The following MMS22L variants were observed in gnomAD, a reference collection of about 807,000 sequenced individuals.
MMS22L encodes the protein protein MMS22-like.
In MMS22L, 74 loss-of-function variants were observed where a neutral mutation model predicts 159.1. The observed-to-expected ratio is 0.47, with a 90% confidence interval of 0.39 to 0.56. The LOEUF (loss-of-function observed/expected upper bound fraction) is 0.56, where lower values mean the gene tolerates loss of function less well. MMS22L is among the 20% of genes least tolerant of loss of function. The pLI is 0.00. For missense variants in MMS22L, 1,351 were observed against 1,422.1 expected (o/e 0.95, Z 0.80); for synonymous variants, 517 against 506.9 (o/e 1.02, Z -0.27).
intron 14 of MMS22L, among the ~76,000 whole-genome samples, chr6:97,187,127 C>T (rs1482067955): frequency 6.6e-6 from 1 of 152,088 alleles, no homozygotes; most frequent in Admixed American, 6.5e-5. Flanking sequence ...AATTAAAATA[C>T]TTTCCTTGTT....
intron 14 of MMS22L, among the ~76,000 whole-genome samples, chr6:97,187,096 T>C (rs1467764098): frequency 6.6e-6 from 1 of 152,082 alleles, no homozygotes; most frequent in Non-Finnish European, 1.5e-5. Context: ...TAAGTACAAC[T>C]GGCTTATGCG....
intron 11 of MMS22L, among the ~76,000 whole-genome samples, chr6:97,240,780 C>G (rs1463353246): frequency 2.6e-5 from 4 of 152,178 alleles, no homozygotes; most frequent in Non-Finnish European, 5.9e-5. Flanking sequence ...GCACATGCCA[C>G]CACACCCGGC....
chr6:97,146,883 C>A lies in MMS22L; in HGVS notation c.3655G>T (p.Ala1219Ser). 6.5e-7 allele frequency: 1 copy of A among 1,547,600 alleles called. No homozygotes were observed. Among genetic ancestry groups the A allele is most frequent in the African/African-American group, 1.4e-5 (1 of 69,852 alleles). Residue 1219 changes from alanine (A) to serine (S), a missense_variant, in exon 25 of 25, where the codon GCC becomes TCC. Coordinates refer to ENST00000683635, the MANE Select transcript of MMS22L (RefSeq NM_001350599.2). ...GLGRNIAQRE[A>S]YSKLLSHLGQ... ...AGGTGAGACAAAAGTTTGCTATAGG[C>A]TTCCCTGTTTAAGAAAAAAGAAAAG...
At position 97,178,214 on chromosome 6, in the gene MMS22L, AGTTTT is replaced by A. The variant is rs772550561; in HGVS notation, c.2679+224_2679+228del. Among the ~76,000 whole-genome samples the A allele has an allele frequency of 7.1e-4, 108 of 152,208 alleles. No homozygotes were observed. In the Middle Eastern group the frequency reaches 0.014, roughly 19 times the overall value. ...GTAAAGCTTTTTTGTGGTATTCTTT[AGTTTT>A]ATTATTCTTCATTAATGTAATTTTT... On this transcript the variant is annotated intron_variant, in intron 18 of 24. Coordinates refer to ENST00000683635, the MANE Select transcript of MMS22L (RefSeq NM_001350599.2).
Position 97,151,026 on chromosome 6 carries a change from TAC to T in MMS22L, c.3482+743_3482+744del, listed in dbSNP as rs554970865. ...TAAACATAACGGAGCTTTCTGAAGC[TAC>T]AGTTAGTATACTAAAGCAAGTCAGA... On this transcript the variant is annotated intron_variant, in intron 23 of 24. Transcript: ENST00000683635. Among the ~76,000 whole-genome samples, 497 of 152,298 alleles carry T rather than the reference TAC, an allele frequency of 3.3e-3. 3 individuals carry two copies. The highest frequency in any genetic ancestry group is 0.01 in the Middle Eastern group (3 of 294).
At chr6:97,272,918 T>C in intron 5 of MMS22L, 37 bp from the exon 6 acceptor site, 1 of 1,607,204 alleles carries the variant, frequency 6.2e-7, no homozygotes, top group African/African-American at 1.3e-5. Context: ...AACTAGAGTC[T>C]GTGTGAATAC....
chr6:97,148,530 C>T (rs1050915708), intron 24 of MMS22L, among the ~76,000 whole-genome samples: 2 of 151,146 alleles, frequency 1.3e-5, no homozygotes, highest in African/African-American at 4.9e-5. Flanking sequence ...TAGGCTCAGG[C>T]TAATGCGTGT....
intron 19 of MMS22L, 151 bp downstream of exon 19, chr6:97,172,912 A>C: frequency 7.7e-6 from 5 of 650,656 alleles, no homozygotes; most frequent in Non-Finnish European, 1.2e-5. Flanking sequence ...GAAGGCCAAC[A>C]TGAATTATTT....
At chr6:97,172,168 G>T (rs1238883123) in intron 19 of MMS22L, among the ~76,000 whole-genome samples, 1 of 152,072 alleles carries the variant, frequency 6.6e-6, no homozygotes, top group Non-Finnish European at 1.5e-5. Context: ...TTATTAATGT[G>T]TATTTTACTA....
intron 11 of MMS22L, among the ~76,000 whole-genome samples, chr6:97,238,560 C>T (rs1052969393): frequency 3.2e-5 from 4 of 124,148 alleles, no homozygotes; most frequent in Non-Finnish European, 6.6e-5. Flanking sequence ...GGGCTCTCAG[C>T]GTGTCTCATC....
chr6:97,282,291 A>C (rs762769352), intron 2 of MMS22L, 23 bp downstream of exon 2: 1 of 1,609,868 alleles, frequency 6.2e-7, no homozygotes, highest in Non-Finnish European at 8.5e-7. Flanking sequence ...AGATGAGGGA[A>C]AATGTCTCTG....
chr6:97,211,449 T>C (rs1808363324), intron 14 of MMS22L, among the ~76,000 whole-genome samples: 1 of 152,054 alleles, frequency 6.6e-6, no homozygotes, highest in Non-Finnish European at 1.5e-5. Context: ...TATCAAAAGA[T>C]TTCTTCTTCT....
At chr6:97,182,125 C>A in intron 15 of MMS22L, 71 bp from the exon 16 acceptor site, 4 of 1,237,518 alleles carry the variant, frequency 3.2e-6, no homozygotes, top group Non-Finnish European at 3.3e-6. Context: ...ACACCCCTGG[C>A]CAATTATAAC....
intron 9 of MMS22L, among the ~76,000 whole-genome samples, chr6:97,255,308 G>A (rs567379382): frequency 7.2e-5 from 11 of 152,114 alleles, no homozygotes; most frequent in African/African-American, 2.4e-4. Flanking sequence ...TAAAGTTGTC[G>A]ACAGTATCTC....
At chr6:97,210,952 T>G (rs749371544) in intron 14 of MMS22L, among the ~76,000 whole-genome samples, 2 of 151,912 alleles carry the variant, frequency 1.3e-5, no homozygotes, top group Non-Finnish European at 2.9e-5. Context: ...TTTCAGAATT[T>G]AAAAAGGAAT....
chr6:97,214,206 C>T (rs946320112), intron 14 of MMS22L, among the ~76,000 whole-genome samples: 3 of 152,158 alleles, frequency 2.0e-5, no homozygotes, highest in African/African-American at 7.2e-5. Context: ...ACAATTTGTA[C>T]AATACCCAAG....
In MMS22L at chr6:97,275,347, T is replaced by A. The variant is rs568123349; in HGVS notation, c.341-2285A>T. Among the ~76,000 whole-genome samples the A allele has an allele frequency of 9.3e-4, 142 of 152,218 alleles. 1 individual carries two copies. The highest frequency in any genetic ancestry group is 3.1e-3 in the Admixed American group (47 of 15,296). ...ATCAAGATCATCCTGGCCAACATGA[T>A]GAAACCCTGTCTCTACTAAAAATAC... On this transcript the variant is annotated intron_variant, in intron 4 of 24. Coordinates refer to ENST00000683635, the MANE Select transcript of MMS22L (RefSeq NM_001350599.2).
At chr6:97,261,644 C>T (rs1436719051) in intron 9 of MMS22L, 1 of 152,134 alleles carries the variant, frequency 6.6e-6, no homozygotes, top group Admixed American at 6.5e-5. Context: ...AGTTTTCTGA[C>T]TGCATGTTGG....
chr6:97,206,895 C>T (rs1807848007), intron 14 of MMS22L, among the ~76,000 whole-genome samples: 1 of 151,960 alleles, frequency 6.6e-6, no homozygotes, highest in African/African-American at 2.4e-5. Context: ...AATATAGTGG[C>T]AATTTAAAAG....
Sources: allele counts gnomAD v4.1 joint callset (sites outside exome capture counted in the v4.1 genomes callset), GRCh38; gene constraint gnomAD v4.1.1; transcripts MANE v1.5; gene names NCBI Gene and HGNC (gene_info 2026-07-23, HGNC 2026-07-21).